Variants in KLHL29 observed in about 807,000 individuals in gnomAD.
KLHL29 encodes kelch-like protein 29.
Under a neutral mutation model 80.4 loss-of-function variants are expected in KLHL29, and 21 were observed. The ratio of observed to expected loss-of-function variants is 0.26; its 90% CI spans 0.19 to 0.38. The LOEUF is 0.38. Among genes scored for constraint, KLHL29 ranks in the 10% least tolerant of loss-of-function variants. The pLI is 1.00. For synonymous variants in KLHL29, 511 were observed against 526.8 expected (o/e 0.97, Z 0.41); for missense variants, 867 against 1,223.9 (o/e 0.71, Z 4.35).
intron 5 of KLHL29, among the ~76,000 whole-genome samples, chr2:23,665,486 A>G (rs1328994578): frequency 2.0e-5 from 3 of 152,190 alleles, no homozygotes; most frequent in Admixed American, 6.5e-5. Flanking sequence ...AGTGAGACCC[A>G]TGCTTAAATG....
intron 1 of KLHL29, among the ~76,000 whole-genome samples, chr2:23,422,155 GT>G (rs1662833687): frequency 1.3e-5 from 2 of 151,420 alleles, no homozygotes; most frequent in South Asian, 4.2e-4. Context: ...CTGTGTGAGT[GT>G]GTGTTCTTTG....
intron 3 of KLHL29, among the ~76,000 whole-genome samples, chr2:23,614,519 A>T (rs1223220254): frequency 6.6e-6 from 1 of 152,246 alleles, no homozygotes; most frequent in African/African-American, 2.4e-5. Context: ...AAAAATAATA[A>T]TAATAAAGGT....
chr2:23,425,379 G>T (rs560677686), intron 1 of KLHL29, among the ~76,000 whole-genome samples: 2 of 152,280 alleles, frequency 1.3e-5, no homozygotes, highest in East Asian at 3.9e-4. Context: ...GGAACAACCA[G>T]TCCCCGCCTG....
At chr2:23,402,698 A>G (rs1374470540) in intron 1 of KLHL29, among the ~76,000 whole-genome samples, 1 of 152,236 alleles carries the variant, frequency 6.6e-6, no homozygotes, top group Non-Finnish European at 1.5e-5. Flanking sequence ...CTTTCTGCTG[A>G]TGAGAAAACC....
intron 2 of KLHL29, among the ~76,000 whole-genome samples, chr2:23,546,693 G>A (rs1424024093): frequency 1.3e-5 from 2 of 152,170 alleles, no homozygotes; most frequent in African/African-American, 2.4e-5. Flanking sequence ...CCCTCAACCA[G>A]TACTCTGTGG....
At chr2:23,623,097 C>G (rs1669226226) in intron 3 of KLHL29, among the ~76,000 whole-genome samples, 1 of 152,198 alleles carries the variant, frequency 6.6e-6, no homozygotes, top group Non-Finnish European at 1.5e-5. Flanking sequence ...CAGGTGGACC[C>G]AGCGTGCAGG....
At chr2:23,416,409 A>G (rs1373492626) in intron 1 of KLHL29, among the ~76,000 whole-genome samples, 1 of 152,162 alleles carries the variant, frequency 6.6e-6, no homozygotes, top group Non-Finnish European at 1.5e-5. Context: ...TCCATGCCTC[A>G]GTTTCTTCAT....
chr2:23,527,416 TGCTGTCTGCA>T (rs1666361406), intron 2 of KLHL29, among the ~76,000 whole-genome samples: 2 of 152,220 alleles, frequency 1.3e-5, no homozygotes, highest in African/African-American at 4.8e-5. Context: ...AGCCCCGCCA[TGCTGTCTGCA>T]GCATCCCTTC....
chr2:23,436,912 A>C (rs1181768886), intron 1 of KLHL29, among the ~76,000 whole-genome samples: 1 of 152,228 alleles, frequency 6.6e-6, no homozygotes, highest in Non-Finnish European at 1.5e-5. Context: ...GCAGACCAGA[A>C]GGAAGGAAAT....
intron 1 of KLHL29, among the ~76,000 whole-genome samples, chr2:23,443,282 G>T (rs1161298364): frequency 6.6e-6 from 1 of 152,132 alleles, no homozygotes; most frequent in African/African-American, 2.4e-5. Context: ...TAGCACATGT[G>T]TCCTAACTAT....
intron 1 of KLHL29, among the ~76,000 whole-genome samples, chr2:23,415,190 G>A (rs959636233): frequency 6.6e-6 from 1 of 152,186 alleles, no homozygotes; most frequent in Non-Finnish European, 1.5e-5. Flanking sequence ...GTGTCGGTGC[G>A]TCCTGTTGGT....
intron 2 of KLHL29, among the ~76,000 whole-genome samples, chr2:23,535,222 AGG>A (rs1286516793): frequency 6.6e-6 from 1 of 152,200 alleles, no homozygotes; most frequent in East Asian, 1.9e-4. Context: ...TTGCTCTGGG[AGG>A]AAAAGAGACA....
chr2:23,403,764 T>TGTGC (rs1558325397), intron 1 of KLHL29, among the ~76,000 whole-genome samples: 1 of 148,206 alleles, frequency 6.7e-6, no homozygotes, highest in Admixed American at 6.7e-5. Flanking sequence ...TGTGTGTGTG[T>TGTGC]GCAGGCGCAA....
intron 2 of KLHL29, among the ~76,000 whole-genome samples, chr2:23,525,708 G>A (rs1309247776): frequency 3.7e-5 from 5 of 135,708 alleles, no homozygotes; most frequent in East Asian, 4.6e-4. Context: ...CCCAGAGGCC[G>A]AGTGAGCCCC....
At chr2:23,476,617 A>C (rs1309460584) in intron 2 of KLHL29, among the ~76,000 whole-genome samples, 3 of 152,250 alleles carry the variant, frequency 2.0e-5, no homozygotes, top group Non-Finnish European at 4.4e-5. Flanking sequence ...ATAATAGCAT[A>C]CATGATTCAC....
chr2:23,511,520 C>G (rs1002911119), intron 2 of KLHL29, among the ~76,000 whole-genome samples: 1 of 152,190 alleles, frequency 6.6e-6, no homozygotes, highest in Non-Finnish European at 1.5e-5. Context: ...TCACGTCTTC[C>G]TCTGCACAGA....
At chr2:23,459,314 G>C (rs1252998278) in intron 1 of KLHL29, among the ~76,000 whole-genome samples, 2 of 152,166 alleles carry the variant, frequency 1.3e-5, no homozygotes, top group African/African-American at 4.8e-5. Flanking sequence ...TAGGTGAGAT[G>C]TACAGATCCG....
chr2:23,692,833 G>A (rs555345545), intron 7 of KLHL29, among the ~76,000 whole-genome samples: 1 of 152,306 alleles, frequency 6.6e-6, no homozygotes, highest in Non-Finnish European at 1.5e-5. Flanking sequence ...AAGCTGGGAG[G>A]TGTGTGAGGG....
intron 3 of KLHL29, among the ~76,000 whole-genome samples, chr2:23,611,573 A>T (rs1237306840): frequency 1.3e-5 from 2 of 152,252 alleles, no homozygotes; most frequent in Admixed American, 6.5e-5. Context: ...ACCTCAAATT[A>T]TTTCTAAAAC....
Sources: gnomAD v4.1 joint callset for allele counts (sites outside exome capture counted in the v4.1 genomes callset) on GRCh38, gnomAD v4.1.1 for gene constraint, MANE v1.5 for transcripts, NCBI Gene and HGNC (gene_info 2026-07-23, HGNC 2026-07-21) for gene names.